The following ZNF831 variants were observed in gnomAD, a reference collection of about 807,000 sequenced individuals.
The protein encoded by ZNF831 is chromosome 20 open reading frame 174.
In ZNF831, 59 loss-of-function variants were observed where a neutral mutation model predicts 95.8. That is an observed-to-expected ratio of 0.62 (90% CI 0.50 to 0.77). ZNF831 has a LOEUF of 0.77. Among genes scored for constraint, ZNF831 ranks in the 30% least tolerant of loss-of-function variants. The pLI is 0.00. For synonymous variants in ZNF831, 961 were observed against 925.5 expected (o/e 1.04, Z -0.70); for missense variants, 2,205 against 2,164.0 (o/e 1.02, Z -0.38).
At position 59,239,549 on chromosome 20, in the gene ZNF831, CTT is replaced by C. The variant is rs10653584; in HGVS notation, c.4028-13412_4028-13411del. 1.2e-4 allele frequency among the ~76,000 whole-genome samples: 15 copies of C among 127,404 alleles called. No homozygotes were observed. In the South Asian group the frequency reaches 1.3e-3, roughly 11 times the overall value. 83.6% of individuals were successfully genotyped at this position (127,404 alleles called of 152,430 possible). A position where few individuals can be genotyped will look rare whatever the true frequency, so the allele number is the denominator to read the frequency against. ...TAGTTATTCTTTCTTTCTGTAAACA[CTT>C]TTTTTTTTTTTTTTTTGAGATAGAG... On this transcript the variant is annotated intron_variant, in intron 4 of 5. Transcript: ENST00000371030.
chr20:59,179,073 G>T (rs1231128401), intron 1 of ZNF831, among the ~76,000 whole-genome samples: 1 of 152,168 alleles, frequency 6.6e-6, no homozygotes, highest in East Asian at 1.9e-4. Flanking sequence ...CTTCCCACTA[G>T]TTGTCCCCAC....
upstream of ZNF831, among the ~76,000 whole-genome samples, chr20:59,163,014 GGTGTGTGTGTGTGTGT>G (rs58451639): frequency 1.5e-5 from 2 of 136,458 alleles, no homozygotes; most frequent in African/African-American, 2.7e-5. Context: ...TGTATTCCTA[GGTGTGTGTGTGTGTGT>G]GTGTGTGTGT....
chr20:59,218,481 A>T (rs1298028721), intron 4 of ZNF831, among the ~76,000 whole-genome samples: 1 of 152,134 alleles, frequency 6.6e-6, no homozygotes, highest in Non-Finnish European at 1.5e-5. Flanking sequence ...AACAGAGAGA[A>T]TTGCTTCAAG....
chr20:59,192,541 C>T lies in ZNF831; in HGVS notation c.1522C>T (p.Pro508Ser), dbSNP rs2146567427. Residue 508 changes from proline (P) to serine (S), a missense_variant, in exon 2 of 6, where the codon CCC becomes TCC. By Grantham distance (74) the Pro-to-Ser change is moderately conservative. Coordinates refer to ENST00000371030, the MANE Select transcript of ZNF831 (RefSeq NM_178457.3). The surrounding 1 kb of genome is among the most constrained non-coding windows in gnomAD (Gnocchi z 5.2). ...CVPVTRSNSL[P>S]FVEGSRTWLE... Reference sequence around the variant, plus strand: ...CCCCGTCACCAGGAGCAACTCGCTGCCCTTCGTCGAGGGCTCCAGGACGTG... The same window carrying T: ...CCCCGTCACCAGGAGCAACTCGCTGTCCTTCGTCGAGGGCTCCAGGACGTG... The T allele has an allele frequency of 6.5e-7, 1 of 1,527,234 alleles. No individual in the cohort carries two copies. 94.6% of individuals were successfully genotyped at this position (1,527,234 alleles called of 1,614,324 possible).
intron 4 of ZNF831, among the ~76,000 whole-genome samples, chr20:59,216,969 G>C (rs1050631210): frequency 6.6e-6 from 1 of 151,668 alleles, no homozygotes; most frequent in Non-Finnish European, 1.5e-5. Context: ...CTTGGCAAAA[G>C]TGATGCTCCA....
chr20:59,140,424 G>A (rs987844825), intron 1 of ZNF831, among the ~76,000 whole-genome samples: 3 of 152,134 alleles, frequency 2.0e-5, no homozygotes, highest in Admixed American at 1.3e-4. Flanking sequence ...CCACCCCATG[G>A]GAACAGTAAA....
chr20:59,140,696 C>T (rs1337492594), intron 1 of ZNF831, among the ~76,000 whole-genome samples: 1 of 151,960 alleles, frequency 6.6e-6, no homozygotes, highest in Admixed American at 6.6e-5. Flanking sequence ...TCTGGGTGAC[C>T]CAGTTTCTCC....
At chr20:59,144,490 T>A (rs1026395998) in intron 1 of ZNF831, among the ~76,000 whole-genome samples, 6 of 152,212 alleles carry the variant, frequency 3.9e-5, no homozygotes, top group African/African-American at 7.2e-5. Flanking sequence ...GTTATGACAA[T>A]TAAAAATGTC....
In ZNF831 at chr20:59,192,885, G is replaced by C. The variant is rs1401566721; in HGVS notation, c.1866G>C (p.Val622=). The change falls in exon 2 of 6, where the codon GTG becomes GTC. Residue 622 remains valine, a synonymous_variant. Coordinates refer to ENST00000371030, the MANE Select transcript of ZNF831 (RefSeq NM_178457.3). This position sits in a 1 kb window ranked among gnomAD's most constrained non-coding sequence, Gnocchi z 5.2. ...LKMFSQEKWQ[V]YGDETFKRIY... is the part of the protein sequence containing the mutation. ...TGTTCTCCCAGGAGAAGTGGCAGGT[G>C]TACGGGGATGAGACGTTCAAAAGGA... 1.3e-6 allele frequency: 2 copies of C among 1,597,472 alleles called. No homozygotes were observed. Among genetic ancestry groups the C allele is most frequent in the Non-Finnish European group, 1.7e-6 (2 of 1,172,638 alleles).
rs1379827444 is a variant in ZNF831, at chr20:59,194,395, T to TC, written c.3382dup (p.Leu1128ProfsTer53). Reference sequence around the variant, plus strand: ...GCCCCTGGTGGGCCCCGACCCGTGTTCCCCCCTCCAGCCTGGCTCCTTCCT... The same window carrying TC: ...GCCCCTGGTGGGCCCCGACCCGTGTTCCCCCCCTCCAGCCTGGCTCCTTCCT... On this transcript the variant is annotated frameshift_variant, in exon 2 of 6. Transcript: ENST00000371030. LOFTEE classifies it high-confidence loss of function. 6.2e-7 allele frequency: 1 copy of TC among 1,609,708 alleles called. No individual in the cohort carries two copies.
Position 59,208,332 on chromosome 20 carries a change from T to C in ZNF831, c.4027+1276T>C, listed in dbSNP as rs1435689856. On this transcript the variant is annotated intron_variant, in intron 4 of 5. Transcript: ENST00000371030. The surrounding 1 kb of genome is among the most constrained non-coding windows in gnomAD (Gnocchi z 4.2). ...CCATGGAGGGCATCTCAGGGCTAAA[T>C]GCTGGTCTGTACCACCAGGACAAGA... Among the ~76,000 whole-genome samples, 3 of 152,126 alleles carry C rather than the reference T, an allele frequency of 2.0e-5. No homozygotes were observed. The highest frequency in any genetic ancestry group is 1.3e-4 in the Admixed American group (2 of 15,272).
At chr20:59,224,192 T>C (rs1462424101) in intron 4 of ZNF831, among the ~76,000 whole-genome samples, 1 of 152,220 alleles carries the variant, frequency 6.6e-6, no homozygotes, top group Non-Finnish European at 1.5e-5. Context: ...CTCTTGTTCC[T>C]GGAGACCTGC....
chr20:59,129,760 T>A (rs573543676), intron 1 of ZNF831, among the ~76,000 whole-genome samples: 1 of 152,324 alleles, frequency 6.6e-6, no homozygotes, highest in African/African-American at 2.4e-5. Context: ...AATTTCGTCA[T>A]TTGGAGAATG....
chr20:59,222,605 C>T (rs1338425262), intron 4 of ZNF831, among the ~76,000 whole-genome samples: 1 of 152,100 alleles, frequency 6.6e-6, no homozygotes, highest in Admixed American at 6.5e-5. Context: ...AAAAACAAGC[C>T]TTGTGAATTT....
Position 59,169,769 on chromosome 20 carries a change from A to G in ZNF831, c.-37+5562A>G, listed in dbSNP as rs1981577762. Among the ~76,000 whole-genome samples, 1 of 152,046 alleles carries G rather than the reference A, an allele frequency of 6.6e-6. No homozygotes were observed. The highest frequency in any genetic ancestry group is 1.5e-5 in the Non-Finnish European group (1 of 67,998). ...ACAAAAATTAGCCGGGCATGATGGCAGACACCTGTAATCCCAGCTACTCGG... is the reference window on the plus strand; with the variant it reads ...ACAAAAATTAGCCGGGCATGATGGCGGACACCTGTAATCCCAGCTACTCGG... On this transcript the variant is annotated intron_variant, in intron 1 of 5. Coordinates refer to ENST00000371030, the MANE Select transcript of ZNF831 (RefSeq NM_178457.3). The surrounding 1 kb of genome is among the most constrained non-coding windows in gnomAD (Gnocchi z 4.1).
intron 1 of ZNF831, among the ~76,000 whole-genome samples, chr20:59,135,133 A>G (rs1253458719): frequency 2.6e-5 from 4 of 152,208 alleles, no homozygotes; most frequent in Admixed American, 1.3e-4. Context: ...GACTCACACA[A>G]GATCACTGGG....
chr20:59,199,456 C>T (rs542549872), intron 3 of ZNF831, among the ~76,000 whole-genome samples: 74 of 152,134 alleles, frequency 4.9e-4, no homozygotes, highest in Non-Finnish European at 8.7e-4. Flanking sequence ...CTTTAAAGTA[C>T]ACATAAAAGT....
intron 4 of ZNF831, among the ~76,000 whole-genome samples, chr20:59,222,802 G>A (rs757999726): frequency 9.9e-5 from 15 of 152,190 alleles, no homozygotes; most frequent in African/African-American, 9.6e-5. Context: ...TGCAATCAGG[G>A]GCACCTGCTC....
At chr20:59,206,448 A>T (rs577607967) in intron 3 of ZNF831, among the ~76,000 whole-genome samples, 1 of 152,366 alleles carries the variant, frequency 6.6e-6, no homozygotes, top group African/African-American at 2.4e-5. Flanking sequence ...AGTGAAATAC[A>T]ATTTAAGACT....
Sources: gnomAD v4.1 joint callset for allele counts (sites outside exome capture counted in the v4.1 genomes callset) on GRCh38, gnomAD v4.1.1 for gene constraint, Gnocchi (gnomAD v3.1) non-coding constraint, MANE v1.5 for transcripts, NCBI Gene and HGNC (gene_info 2026-07-23, HGNC 2026-07-21) for gene names.